DAB1: variants seen among roughly 807,000 people sequenced by gnomAD.
DAB1 encodes the protein DAB adaptor protein 1, also known as disabled homolog 1.
Under a neutral mutation model 64.6 loss-of-function variants are expected in DAB1, and 15 were observed. That is an observed-to-expected ratio of 0.23 (90% CI 0.16 to 0.36). The LOEUF is 0.36. Among genes scored for constraint, DAB1 ranks in the 10% least tolerant of loss-of-function variants. DAB1 has a pLI of 1.00. For missense variants in DAB1, 596 were observed against 706.7 expected (o/e 0.84, Z 1.78); for synonymous variants, 235 against 251.9 (o/e 0.93, Z 0.64).
At chr1:57,784,860 A>G (rs1340539158) in intron 6 of DAB1, among the ~76,000 whole-genome samples, 1 of 152,206 alleles carries the variant, frequency 6.6e-6, no homozygotes, top group Non-Finnish European at 1.5e-5. Context: ...GCTACACTAA[A>G]CCACAGATTT....
intron 5 of DAB1, among the ~76,000 whole-genome samples, chr1:58,039,558 T>C (rs1162097920): frequency 6.6e-6 from 1 of 152,156 alleles, no homozygotes; most frequent in Non-Finnish European, 1.5e-5. Flanking sequence ...ACAGAACCTA[T>C]ATTTGAAAAT....
At chr1:57,581,813 T>A (rs1385359581) in intron 7 of DAB1, among the ~76,000 whole-genome samples, 1 of 151,966 alleles carries the variant, frequency 6.6e-6, no homozygotes, top group Non-Finnish European at 1.5e-5. Context: ...TTTAGGAAGA[T>A]TATTAAAATA....
chr1:57,484,224 A>G (rs113024919), intron 7 of DAB1, among the ~76,000 whole-genome samples: 2,247 of 152,276 alleles, frequency 0.015, 44 homozygotes, highest in African/African-American at 0.051. Context: ...CAGGGGCCAG[A>G]TCATCCTGGG....
At chr1:58,140,635 C>T (rs1371285062) in intron 5 of DAB1, among the ~76,000 whole-genome samples, 1 of 152,020 alleles carries the variant, frequency 6.6e-6, no homozygotes, top group East Asian at 1.9e-4. Flanking sequence ...TAATGCCTAG[C>T]TCCCCCACTG....
intron 3 of DAB1, among the ~76,000 whole-genome samples, chr1:58,450,732 T>C (rs1645126709): frequency 6.6e-6 from 1 of 152,130 alleles, no homozygotes; most frequent in African/African-American, 2.4e-5. Context: ...CCAGCCTGGG[T>C]GACAGAGCGA....
At chr1:58,057,996 C>T (rs1035345393) in intron 5 of DAB1, among the ~76,000 whole-genome samples, 2 of 69,096 alleles carry the variant, frequency 2.9e-5, no homozygotes, top group Non-Finnish European at 6.6e-5. Context: ...AGTTGCACAA[C>T]ACTCTTTTTG....
intron 4 of DAB1, among the ~76,000 whole-genome samples, chr1:58,166,095 G>A (rs1053219226): frequency 6.6e-6 from 1 of 152,200 alleles, no homozygotes; most frequent in African/African-American, 2.4e-5. Flanking sequence ...AGGAAGAGAA[G>A]AAGTCACATT....
intron 5 of DAB1, among the ~76,000 whole-genome samples, chr1:57,989,179 T>A (rs992876318): frequency 1.3e-5 from 2 of 152,150 alleles, no homozygotes; most frequent in South Asian, 2.1e-4. Flanking sequence ...TAATACCTCA[T>A]AGAGTAGGCA....
At chr1:57,434,612 T>C (rs575567135) in intron 7 of DAB1, among the ~76,000 whole-genome samples, 9 of 152,310 alleles carry the variant, frequency 5.9e-5, no homozygotes, top group African/African-American at 2.2e-4. Context: ...CTCTGAGAAA[T>C]GCGTCATTAG....
At chr1:57,842,088 TTTGCTG>T (rs1213477562) in intron 1 of DAB1, among the ~76,000 whole-genome samples, 3 of 152,208 alleles carry the variant, frequency 2.0e-5, no homozygotes, top group African/African-American at 7.2e-5. Flanking sequence ...TCTTGAACAC[TTTGCTG>T]CTTAGCAATT....
At chr1:57,093,167 G>A (rs1238602642) in intron 4 of DAB1, among the ~76,000 whole-genome samples, 1 of 152,188 alleles carries the variant, frequency 6.6e-6, no homozygotes, top group East Asian at 1.9e-4. Flanking sequence ...CACTGGACCT[G>A]GGTTCTGGTG....
Position 57,387,821 on chromosome 1 carries a change from CA to C in DAB1, c.-137+36108del, listed in dbSNP as rs55950458. Among the ~76,000 whole-genome samples the C allele has an allele frequency of 3.5e-3, 368 of 104,274 alleles. 2 individuals carry two copies. Among genetic ancestry groups the C allele is most frequent in the African/African-American group, 9.8e-3 (277 of 28,246 alleles). The allele number at this position is 104,274 out of a possible 152,430, so 68.4% of individuals were successfully genotyped here. On this transcript the variant is annotated intron_variant, in intron 1 of 14. Coordinates refer to ENST00000371236, the MANE Select transcript of DAB1 (RefSeq NM_001365792.1). ...TGGGTGACAGAGCAAGACTCAGCCT[CA>C]AAAAAAAAAAAAAAAAAGAGAGAGA...
At chr1:58,509,268 TC>T (rs1646036069) in intron 2 of DAB1, among the ~76,000 whole-genome samples, 1 of 151,614 alleles carries the variant, frequency 6.6e-6, no homozygotes, top group Non-Finnish European at 1.5e-5. Flanking sequence ...AAAATAACCA[TC>T]ATAAAGACAC....
chr1:58,125,879 C>A (rs1208299358), intron 5 of DAB1, among the ~76,000 whole-genome samples: 1 of 152,066 alleles, frequency 6.6e-6, no homozygotes, highest in East Asian at 1.9e-4. Flanking sequence ...TGGTTTATGA[C>A]AGTATCACTC....
chr1:57,015,219 G>A lies in DAB1; in HGVS notation c.1108C>T (p.Gln370Ter). 1 of 1,614,088 alleles carries A rather than the reference G, an allele frequency of 6.2e-7. No individual in the cohort carries two copies. Among genetic ancestry groups the A allele is most frequent in the Non-Finnish European group, 8.5e-7 (1 of 1,180,000 alleles). Residue 370 changes from glutamine (Q) to a stop codon, truncating the protein, a stop_gained, in exon 12 of 15, where the codon CAA becomes TAA. Transcript: ENST00000371236. LOFTEE classifies it high-confidence loss of function. ...GCAGCTGGCAAAGGCATAACAGTTT[G>A]TGTGGGCATGAAGGCGGCTGGCGGA... The part of the protein sequence containing the change: ...QFPPAAFMPT[Q>*]TVMPLPAAMF...
At chr1:58,217,023 T>G (rs112691732) in intron 4 of DAB1, among the ~76,000 whole-genome samples, 1 of 152,200 alleles carries the variant, frequency 6.6e-6, no homozygotes, top group Non-Finnish European at 1.5e-5. Context: ...GGGATTCAAT[T>G]CTGGATGACT....
At chr1:58,269,305 A>G (rs1405706825) in intron 4 of DAB1, among the ~76,000 whole-genome samples, 1 of 151,472 alleles carries the variant, frequency 6.6e-6, no homozygotes, top group Non-Finnish European at 1.5e-5. Flanking sequence ...GAGAATGATG[A>G]CTTCCAATTT....
At chr1:57,741,286 T>TA in intron 6 of DAB1, among the ~76,000 whole-genome samples, 1 of 152,272 alleles carries the variant, frequency 6.6e-6, no homozygotes, top group East Asian at 1.9e-4. Context: ...TTAACAATAA[T>TA]AAAAAATAAA....
At chr1:57,219,796 T>C (rs775272617) in intron 2 of DAB1, among the ~76,000 whole-genome samples, 42 of 152,230 alleles carry the variant, frequency 2.8e-4, no homozygotes, top group Non-Finnish European at 4.7e-4. Flanking sequence ...AGCAACCATA[T>C]GCACTTGGAA....
Sources: gnomAD v4.1 joint callset for allele counts (sites outside exome capture counted in the v4.1 genomes callset) on GRCh38, gnomAD v4.1.1 for gene constraint, MANE v1.5 for transcripts, NCBI Gene and HGNC (gene_info 2026-07-23, HGNC 2026-07-21) for gene names.